Variants in SEMA5B observed in about 807,000 individuals in gnomAD.
SEMA5B encodes semaphorin 5B, also known as semaphorin-5B.
A neutral mutation model predicts 135.0 loss-of-function variants in SEMA5B; 66 were observed. The ratio of observed to expected loss-of-function variants is 0.49; its 90% CI spans 0.40 to 0.60. SEMA5B has a LOEUF of 0.60. Among genes scored for constraint, SEMA5B ranks in the 20% least tolerant of loss-of-function variants. SEMA5B has a pLI of 0.00. For synonymous variants in SEMA5B, 690 were observed against 639.5 expected (o/e 1.08, Z -1.19); for missense variants, 1,501 against 1,566.3 (o/e 0.96, Z 0.70).
At chr3:123,011,679 C>T (rs1942440972) in intron 1 of SEMA5B, among the ~76,000 whole-genome samples, 1 of 152,180 alleles carries the variant, frequency 6.6e-6, no homozygotes, top group Non-Finnish European at 1.5e-5. Flanking sequence ...GACACACGCT[C>T]CTAACAGAGG....
At chr3:123,024,598 C>T (rs369191696) in intron 1 of SEMA5B, among the ~76,000 whole-genome samples, 1 of 152,116 alleles carries the variant, frequency 6.6e-6, no homozygotes, top group African/African-American at 2.4e-5. Context: ...AACAAGATGG[C>T]TCCCTCAAGG....
Position 122,913,888 on chromosome 3 carries a change from C to A in SEMA5B, c.2102G>T (p.Arg701Leu). Residue 701 changes from arginine (R) to leucine (L), a missense_variant, in exon 15 of 23, where the codon CGC becomes CTC. By Grantham distance (102) the Arg-to-Leu change is moderately radical. Coordinates refer to ENST00000357599, the MANE Select transcript of SEMA5B (RefSeq NM_001031702.4). ...CSNPAPRHGG[R>L]ICVGKSREER... ...CTCCCGGCTCTTGCCCACGCAGATG[C>A]GGCCCCCGTGGCGGGGAGCAGGGTT... 1.2e-6 allele frequency: 2 copies of A among 1,610,994 alleles called. No individual in the cohort carries two copies. The highest frequency in any genetic ancestry group is 1.7e-6 in the Non-Finnish European group (2 of 1,178,712).
intron 1 of SEMA5B, among the ~76,000 whole-genome samples, chr3:123,000,106 G>T (rs1942132993): frequency 6.6e-6 from 1 of 152,214 alleles, no homozygotes; most frequent in Non-Finnish European, 1.5e-5. Context: ...TACTCAGGAG[G>T]TTGAGGCAGG....
intron 1 of SEMA5B, among the ~76,000 whole-genome samples, chr3:122,962,475 C>G (rs957561800): frequency 6.6e-6 from 1 of 152,100 alleles, no homozygotes; most frequent in Non-Finnish European, 1.5e-5. Context: ...GGGTCTGTCC[C>G]GTGAGAAAGA....
chr3:122,985,913 G>A (rs989761537), intron 1 of SEMA5B, among the ~76,000 whole-genome samples: 1 of 152,178 alleles, frequency 6.6e-6, no homozygotes, highest in Non-Finnish European at 1.5e-5. Flanking sequence ...TCCCAATTTA[G>A]GCAAATCTTC....
chr3:122,955,724 G>T (rs906359916), intron 2 of SEMA5B, among the ~76,000 whole-genome samples: 2 of 152,196 alleles, frequency 1.3e-5, no homozygotes, highest in Non-Finnish European at 1.5e-5. Flanking sequence ...ATAGCTTCTT[G>T]CTTAGAGAGA....
At chr3:122,966,966 C>T (rs1349586369) in intron 1 of SEMA5B, among the ~76,000 whole-genome samples, 3 of 148,346 alleles carry the variant, frequency 2.0e-5, no homozygotes, top group Non-Finnish European at 4.5e-5. Context: ...CTCAACACAA[C>T]CTCTGCCTCC....
At position 122,913,293 on chromosome 3, in the gene SEMA5B, C is replaced by A; in HGVS notation, c.2412G>T (p.Ala804=). The change falls in exon 17 of 23, where the codon GCG becomes GCT. Residue 804 remains alanine, a synonymous_variant. Transcript: ENST00000357599. ...GCAGGCCGTGCGGGTCTGCAAGGGG[C>A]GCGCGGCAGGTGAAGCGGAACCGCT... ...QEQRFRFTCR[A]PLADPHGLQF... 3 of 1,581,488 alleles carry A rather than the reference C, an allele frequency of 1.9e-6. No homozygotes were observed. Among genetic ancestry groups the A allele is most frequent in the Non-Finnish European group, 2.6e-6 (3 of 1,172,470 alleles).
At chr3:123,025,194 C>A (rs7612577) in intron 1 of SEMA5B, among the ~76,000 whole-genome samples, 2 of 152,180 alleles carry the variant, frequency 1.3e-5, no homozygotes, top group East Asian at 1.9e-4. Context: ...TTTTCCCCTC[C>A]CTAGTGGGAA....
intron 1 of SEMA5B, among the ~76,000 whole-genome samples, chr3:123,014,402 G>T (rs1942505191): frequency 6.6e-6 from 1 of 152,236 alleles, no homozygotes; most frequent in South Asian, 2.1e-4. Context: ...GGGAAATGGG[G>T]TTTGCCCATC....
At chr3:122,946,022 GA>G (rs1310874566) in intron 3 of SEMA5B, among the ~76,000 whole-genome samples, 2 of 152,204 alleles carry the variant, frequency 1.3e-5, no homozygotes, top group African/African-American at 2.4e-5. Context: ...GGACCAGAGG[GA>G]AGGCTGTCTT....
At chr3:122,973,211 GC>G (rs1255630881) in intron 1 of SEMA5B, among the ~76,000 whole-genome samples, 1 of 152,216 alleles carries the variant, frequency 6.6e-6, no homozygotes, top group East Asian at 1.9e-4. Context: ...CCTGACTCCA[GC>G]CTGTGTTCAG....
intron 9 of SEMA5B, among the ~76,000 whole-genome samples, 186 bp from the exon 10 acceptor site, chr3:122,923,938 G>A (rs1161340083): frequency 6.6e-6 from 1 of 152,086 alleles, no homozygotes; most frequent in African/African-American, 2.4e-5. Context: ...CCCTGGGAAC[G>A]ACCCACTGAC....
At chr3:123,004,310 C>T (rs371885881) in intron 1 of SEMA5B, among the ~76,000 whole-genome samples, 8 of 152,250 alleles carry the variant, frequency 5.3e-5, no homozygotes, top group East Asian at 1.9e-4. Flanking sequence ...AAGGGACATC[C>T]GTCAGCAAGA....
intron 1 of SEMA5B, among the ~76,000 whole-genome samples, chr3:122,991,605 A>G (rs1941878583): frequency 1.3e-5 from 2 of 152,098 alleles, no homozygotes; most frequent in South Asian, 4.2e-4. Context: ...CTTGACCTAA[A>G]CACTGCTGCA....
chr3:122,965,284 A>G (rs780077371), intron 1 of SEMA5B, among the ~76,000 whole-genome samples: 1 of 152,152 alleles, frequency 6.6e-6, no homozygotes, highest in Non-Finnish European at 1.5e-5. Context: ...ATAAACTCCC[A>G]CATTGCACAG....
In SEMA5B at chr3:122,912,838, G is replaced by A. The variant is rs771677003; in HGVS notation, c.2725+5C>T. The A allele has an allele frequency of 6.4e-7, 1 of 1,567,570 alleles. No individual in the cohort carries two copies. Among genetic ancestry groups the A allele is most frequent in the South Asian group, 1.2e-5 (1 of 85,258 alleles). On this transcript the variant is annotated splice_donor_5th_base_variant and intron_variant, in intron 18 of 22. Transcript: ENST00000357599. ...AGGCCAAGGATTCCTTCCGTGCAGG[G>A]TTACCTGGGCAAGCCTGGGGGTTGC...
intron 2 of SEMA5B, among the ~76,000 whole-genome samples, chr3:122,952,120 G>T (rs913893066): frequency 5.9e-5 from 9 of 152,114 alleles, no homozygotes; most frequent in Non-Finnish European, 8.8e-5. Context: ...TTCATACTTT[G>T]CTCCTCCCCA....
intron 4 of SEMA5B, among the ~76,000 whole-genome samples, chr3:122,941,600 C>A (rs1939567306): frequency 6.6e-6 from 1 of 152,268 alleles, no homozygotes; most frequent in African/African-American, 2.4e-5. Flanking sequence ...CATGCAGTAA[C>A]TGACTTACTA....
Sources: allele counts gnomAD v4.1 joint callset (sites outside exome capture counted in the v4.1 genomes callset), GRCh38; gene constraint gnomAD v4.1.1; transcripts MANE v1.5; gene names NCBI Gene and HGNC (gene_info 2026-07-23, HGNC 2026-07-21).